The following HYCC2 variants were observed in gnomAD, a reference collection of about 807,000 sequenced individuals.
HYCC2 encodes the protein hyccin PI4KA lipid kinase complex subunit 2, also known as hyccin 2.
chr2:201,041,912 A>G, the HYCC2 span, among the ~76,000 whole-genome samples: 10 of 152,306 alleles, frequency 6.6e-5, no homozygotes, highest in South Asian at 2.1e-3. Context: ...ATATTTTAGT[A>G]CCTTCATTTG....
At chr2:201,064,973 T>C in the HYCC2 span, among the ~76,000 whole-genome samples, 2 of 152,226 alleles carry the variant, frequency 1.3e-5, no homozygotes, top group East Asian at 1.9e-4. Context: ...CAAAGTTTAC[T>C]CAGATCTAAC....
the HYCC2 span, chr2:201,045,627 G>A: frequency 2.5e-6 from 1 of 397,196 alleles, no homozygotes; most frequent in East Asian, 3.6e-5. Context: ...CTGAAATATT[G>A]AGGTAATATT....
chr2:201,021,975 A>G, the HYCC2 span: 2 of 704,978 alleles, frequency 2.8e-6, no homozygotes, highest in South Asian at 2.9e-5. Context: ...GACAGGAAAG[A>G]AGGAGGTCAA....
chr2:201,005,919 G>A, the HYCC2 span, among the ~76,000 whole-genome samples: 4 of 151,984 alleles, frequency 2.6e-5, no homozygotes, highest in Non-Finnish European at 5.9e-5. Context: ...TGCAACCTCC[G>A]CCTCCCCGGG....
the HYCC2 span, chr2:201,023,942 T>G: frequency 6.3e-7 from 1 of 1,593,854 alleles, no homozygotes; most frequent in Non-Finnish European, 8.6e-7. Flanking sequence ...TACATTCTGA[T>G]CTCCAATCCA....
At chr2:201,022,863 G>C in the HYCC2 span, 1 of 1,612,604 alleles carries the variant, frequency 6.2e-7, no homozygotes, top group African/African-American at 1.3e-5. Flanking sequence ...ACTTTATAGA[G>C]GGCTGGTACA....
chr2:200,984,427 T>C, the HYCC2 span, among the ~76,000 whole-genome samples: 1 of 152,220 alleles, frequency 6.6e-6, no homozygotes, highest in African/African-American at 2.4e-5. Context: ...TGGGCTTATA[T>C]TGTCCCTTCA....
At chr2:201,061,967 T>C in the HYCC2 span, among the ~76,000 whole-genome samples, 1 of 151,994 alleles carries the variant, frequency 6.6e-6, no homozygotes, top group Non-Finnish European at 1.5e-5. Flanking sequence ...CAACTGGGCA[T>C]GGTGGTGCAT....
chr2:200,992,366 T>C, the HYCC2 span: 2 of 1,591,438 alleles, frequency 1.3e-6, no homozygotes, highest in East Asian at 2.2e-5. Flanking sequence ...CTGTCCATTA[T>C]ACCTATGAAG....
the HYCC2 span, among the ~76,000 whole-genome samples, chr2:201,010,019 G>A: frequency 4.0e-5 from 6 of 150,886 alleles, no homozygotes; most frequent in South Asian, 2.1e-4. Context: ...CAGGAGAATC[G>A]CTTGAACCCG....
the HYCC2 span, chr2:200,978,080 A>G: frequency 6.6e-6 from 1 of 152,220 alleles, no homozygotes. Flanking sequence ...GAAAATATAT[A>G]ACAAAAGCTT....
the HYCC2 span, chr2:200,977,561 A>G: frequency 6.6e-6 from 1 of 152,142 alleles, no homozygotes; most frequent in African/African-American, 2.4e-5. Context: ...TCACATTTAA[A>G]AATCTTCAGG....
At chr2:201,003,805 CTTTTTTT>C in the HYCC2 span, among the ~76,000 whole-genome samples, 47 of 66,370 alleles carry the variant, frequency 7.1e-4, no homozygotes, top group South Asian at 1.7e-3. Flanking sequence ...GTTGTTGTTG[CTTTTTTT>C]TTTTTTTTTT....
At chr2:201,031,130 A>G in the HYCC2 span, among the ~76,000 whole-genome samples, 1 of 152,204 alleles carries the variant, frequency 6.6e-6, no homozygotes, top group Non-Finnish European at 1.5e-5. Context: ...TCTCAAAACT[A>G]TAATCTTTCA....
chr2:200,993,720 G>A, the HYCC2 span, among the ~76,000 whole-genome samples: 6 of 151,744 alleles, frequency 4.0e-5, no homozygotes, highest in Non-Finnish European at 5.9e-5. Context: ...GGTGGCTCAC[G>A]CCTGTAATCC....
At chr2:200,990,960 A>G in the HYCC2 span, among the ~76,000 whole-genome samples, 1 of 152,064 alleles carries the variant, frequency 6.6e-6, no homozygotes, top group Admixed American at 6.5e-5. Context: ...CACCCGCCTC[A>G]GCCTCCCAAA....
At chr2:201,049,891 C>T in the HYCC2 span, among the ~76,000 whole-genome samples, 102 of 151,886 alleles carry the variant, frequency 6.7e-4, no homozygotes, top group Middle Eastern at 3.4e-3. Context: ...ATAGAGATAG[C>T]GTCTCACCAT....
chr2:201,040,060 G>C, the HYCC2 span, among the ~76,000 whole-genome samples: 3 of 152,012 alleles, frequency 2.0e-5, no homozygotes, highest in African/African-American at 7.2e-5. Context: ...TGTAATCCCA[G>C]CTACTTGGGA....
the HYCC2 span, among the ~76,000 whole-genome samples, chr2:201,050,230 C>T: frequency 6.7e-6 from 1 of 150,104 alleles, no homozygotes; most frequent in Non-Finnish European, 1.5e-5. Flanking sequence ...AAAAAAAATT[C>T]CCCCCAAAAC....
Sources: allele counts gnomAD v4.1 joint callset (sites outside exome capture counted in the v4.1 genomes callset), GRCh38; gene constraint gnomAD v4.1.1; transcripts MANE v1.5; gene names NCBI Gene and HGNC (gene_info 2026-07-23, HGNC 2026-07-21).